The following DPY19L2 variants were observed in gnomAD, a reference collection of about 807,000 sequenced individuals.
DPY19L2 encodes the protein dpy-19 like 2.
A neutral mutation model predicts 97.9 loss-of-function variants in DPY19L2; 34 were observed. The observed-to-expected ratio is 0.35, with a 90% CI of 0.26 to 0.46. The LOEUF (loss-of-function observed/expected upper bound fraction) is 0.46. Among genes scored for constraint, DPY19L2 ranks in the 20% least tolerant of loss-of-function variants. The probability of loss-of-function intolerance (pLI) is 1.00; values close to 1 mark genes in which losing one functional copy is unlikely to be tolerated. For missense variants in DPY19L2, 623 were observed against 911.4 expected, an observed-to-expected ratio of 0.68 and a Z score of 4.07; for synonymous variants, 230 against 307.9, an observed-to-expected ratio of 0.75 and a Z score of 2.65.
In DPY19L2 at chr12:63,638,897, A is replaced by T. The variant is rs1428760034; in HGVS notation, c.803+5506T>A. Among the ~76,000 whole-genome samples, 7 of 152,118 alleles carry T rather than the reference A, an allele frequency of 4.6e-5. No individual in the cohort carries two copies. In the South Asian group the frequency reaches 8.3e-4, roughly 18 times the overall value. ...CCAAAAAAGAGCCCGCATTGCCAAGACAATCCTAAGCAAAAAGTACAAAGC... is the reference window on the plus strand; with the variant it reads ...CCAAAAAAGAGCCCGCATTGCCAAGTCAATCCTAAGCAAAAAGTACAAAGC... On this transcript the variant is annotated intron_variant, in intron 6 of 21. Coordinates refer to ENST00000324472, the MANE Select transcript of DPY19L2 (RefSeq NM_173812.5).
At chr12:63,668,555 C>T (rs563882848), upstream of DPY19L2, 37 of 755,408 alleles carry the variant, frequency 4.9e-5, 1 homozygote, top group African/African-American at 5.8e-4. Flanking sequence ...TGGGGTGGGG[C>T]GCATGCGTTG....
chr12:63,668,483 C>T lies in DPY19L2; in HGVS notation c.-90G>A. 7.6e-7 allele frequency: 1 copy of T among 1,310,380 alleles called. No individual in the cohort carries two copies. Among genetic ancestry groups the T allele is most frequent in the Non-Finnish European group, 1.0e-6 (1 of 981,268 alleles). 81.2% of individuals were successfully genotyped at this position (1,310,380 alleles called of 1,614,324 possible). ...AGAGAGACCTGACTCGCCTGGCAGCCTCAACGGACTTGTCCCCGCAGCCGT... is the reference window on the plus strand; with the variant it reads ...AGAGAGACCTGACTCGCCTGGCAGCTTCAACGGACTTGTCCCCGCAGCCGT... On this transcript the variant is annotated 5_prime_UTR_variant, in exon 1 of 22. Coordinates refer to ENST00000324472, the MANE Select transcript of DPY19L2 (RefSeq NM_173812.5).
intron 12 of DPY19L2, among the ~76,000 whole-genome samples, chr12:63,607,662 T>C (rs1886284157): frequency 6.6e-6 from 1 of 152,150 alleles, no homozygotes; most frequent in African/African-American, 2.4e-5. Context: ...AAAGATACAG[T>C]TCATTTCTTC....
chr12:63,662,968 T>G (rs982760273), intron 3 of DPY19L2, among the ~76,000 whole-genome samples: 1 of 152,218 alleles, frequency 6.6e-6, no homozygotes, highest in African/African-American at 2.4e-5. Context: ...TAGCAAAAAG[T>G]TCTGGATGTG....
chr12:63,609,903 T>A (rs1886662955), intron 11 of DPY19L2, among the ~76,000 whole-genome samples: 1 of 152,066 alleles, frequency 6.6e-6, no homozygotes, highest in Admixed American at 6.5e-5. Flanking sequence ...AAACTTCCAA[T>A]AGGAAAATAT....
chr12:63,582,988 A>G (rs1198985020), intron 17 of DPY19L2, among the ~76,000 whole-genome samples: 1 of 152,108 alleles, frequency 6.6e-6, no homozygotes, highest in African/African-American at 2.4e-5. Flanking sequence ...CAATGCTCCA[A>G]AATCTGAAAC....
intron 4 of DPY19L2, among the ~76,000 whole-genome samples, chr12:63,650,707 A>G (rs921686055): frequency 6.6e-6 from 1 of 152,186 alleles, no homozygotes; most frequent in Non-Finnish European, 1.5e-5. Flanking sequence ...AAACAAATGG[A>G]AAAACATTCT....
At position 63,580,817 on chromosome 12, in the gene DPY19L2, C is replaced by T. The variant is rs537965508; in HGVS notation, c.1745G>A (p.Arg582His). Residue 582 changes from arginine (R) to histidine (H), a missense_variant, in exon 19 of 22, where the codon CGC becomes CAC. This residue lies in a region of DPY19L2 where 294 missense variants were observed against 446.2 expected (regional missense o/e 0.66). Transcript: ENST00000324472. ...GATAACCTTCTCAAAACGAACTCTG[C>T]GAAAAAGCCAGCCAAAGAGCTGAAA... ...CSRQLFGWLF[R>H]RVRFEKVIFG... The T allele has an allele frequency of 6.8e-6, 11 of 1,611,442 alleles. No individual in the cohort carries two copies. In the African/African-American group the frequency reaches 9.4e-5, roughly 14 times the overall value.
rs369652860 is a variant in DPY19L2, at chr12:63,562,177, A to G, written c.2127-1515T>C. 7.6e-4 allele frequency among the ~76,000 whole-genome samples: 115 copies of G among 152,250 alleles called. No individual in the cohort carries two copies. In the East Asian group the frequency reaches 0.015, roughly 19 times the overall value. ...AGTATCCACTTGGATACATATTAAC[A>G]TAGGTATACACTTGTAAAACAGCAG... On this transcript the variant is annotated intron_variant, in intron 21 of 21. Transcript: ENST00000324472.
chr12:63,614,174 G>A (rs1368300725), intron 11 of DPY19L2, among the ~76,000 whole-genome samples: 1 of 131,778 alleles, frequency 7.6e-6, no homozygotes, highest in Non-Finnish European at 1.6e-5. Flanking sequence ...TGGGCAACAA[G>A]AGCGAAACTC....
chr12:63,662,459 T>C (rs1372564698), intron 3 of DPY19L2, among the ~76,000 whole-genome samples: 1 of 151,684 alleles, frequency 6.6e-6, no homozygotes, highest in Non-Finnish European at 1.5e-5. Flanking sequence ...AAAAGATATC[T>C]AATATGCAAA....
intron 19 of DPY19L2, among the ~76,000 whole-genome samples, chr12:63,573,944 G>T (rs1879358948): frequency 6.6e-6 from 1 of 152,026 alleles, no homozygotes; most frequent in Non-Finnish European, 1.5e-5. Flanking sequence ...TCTTCAATCT[G>T]AAAGAAAAGG....
intron 7 of DPY19L2, among the ~76,000 whole-genome samples, chr12:63,624,437 C>T (rs1194728403): frequency 6.6e-6 from 1 of 152,086 alleles, no homozygotes; most frequent in Admixed American, 6.5e-5. Context: ...ACTAGATCCA[C>T]AGCCCAGCCC....
intron 6 of DPY19L2, among the ~76,000 whole-genome samples, chr12:63,640,359 A>T (rs537669770): frequency 3.9e-5 from 6 of 152,328 alleles, no homozygotes; most frequent in East Asian, 1.9e-4. Context: ...ATAATAATAA[A>T]AAAAGATACG....
chr12:63,600,439 A>G, intron 12 of DPY19L2, 53 bp from the exon 13 acceptor site: 1 of 1,343,378 alleles, frequency 7.4e-7, no homozygotes. Flanking sequence ...ACCCAGCTAA[A>G]GTATTCAATT....
intron 12 of DPY19L2, among the ~76,000 whole-genome samples, chr12:63,601,137 G>C (rs1885125681): frequency 6.6e-6 from 1 of 152,134 alleles, no homozygotes; most frequent in Admixed American, 6.5e-5. Context: ...GTTAAGAAAA[G>C]GGAGTGTTTA....
chr12:63,583,099 C>T (rs1412497007), intron 17 of DPY19L2, among the ~76,000 whole-genome samples: 1 of 152,126 alleles, frequency 6.6e-6, no homozygotes, highest in Non-Finnish European at 1.5e-5. Context: ...CAACTAGTAA[C>T]TACACTGTAA....
At chr12:63,601,900 G>GA (rs1216638288) in intron 12 of DPY19L2, among the ~76,000 whole-genome samples, 1 of 152,022 alleles carries the variant, frequency 6.6e-6, no homozygotes, top group Non-Finnish European at 1.5e-5. Flanking sequence ...GTTATTCATT[G>GA]AAAAAAATCA....
At chr12:63,582,603 TATTC>T (rs1881129559) in intron 17 of DPY19L2, 78 bp from the exon 18 acceptor site, 2 of 1,403,336 alleles carry the variant, frequency 1.4e-6, no homozygotes, top group East Asian at 5.1e-5. Context: ...AAAACTATAT[TATTC>T]ATTAAGACAA....
Sources: gnomAD v4.1 joint callset for allele counts (sites outside exome capture counted in the v4.1 genomes callset) on GRCh38, gnomAD v4.1.1 for gene constraint, gnomAD v4.1.1 regional missense constraint, MANE v1.5 for transcripts, NCBI Gene and HGNC (gene_info 2026-07-23, HGNC 2026-07-21) for gene names.